Variants in GPAM observed in about 807,000 individuals in gnomAD.
GPAM encodes glycerol-3-phosphate acyltransferase, mitochondrial, also known as glycerol-3-phosphate acyltransferase 1, mitochondrial.
In GPAM, 56 loss-of-function variants were observed where a neutral mutation model predicts 105.0. The ratio of observed to expected loss-of-function variants is 0.53; its 90% CI spans 0.43 to 0.67. GPAM has a LOEUF of 0.67. Among genes scored for constraint, GPAM ranks in the 30% least tolerant of loss-of-function variants. The probability of loss-of-function intolerance (pLI) is 0.00; values close to 1 mark genes in which losing one functional copy is unlikely to be tolerated. For missense variants in GPAM, 855 were observed against 989.8 expected, an observed-to-expected ratio of 0.86 and a Z score of 1.83; for synonymous variants, 368 against 354.4, an observed-to-expected ratio of 1.04 and a Z score of -0.43.
intron 19 of GPAM, chr10:112,156,667 C>T (rs1375063891): frequency 6.0e-6 from 1 of 167,466 alleles, no homozygotes. Flanking sequence ...TAAACTAATA[C>T]CACCCAAGTG....
At chr10:112,219,130 C>T (rs541268804), upstream of GPAM, among the ~76,000 whole-genome samples, 8 of 152,298 alleles carry the variant, frequency 5.3e-5, no homozygotes, top group South Asian at 8.3e-4. Flanking sequence ...GACTCAGGGA[C>T]GACAAATGTG....
At chr10:112,209,321 T>G (rs7079286) in intron 1 of GPAM, among the ~76,000 whole-genome samples, 48,664 of 151,436 alleles carry the variant, frequency 0.32, 13,511 homozygotes, top group African/African-American at 0.76. Context: ...TGCAATCGGA[T>G]GATTAGAGAG....
chr10:112,183,366 C>A (rs1304859469), intron 1 of GPAM, among the ~76,000 whole-genome samples: 2 of 152,240 alleles, frequency 1.3e-5, no homozygotes, highest in Admixed American at 6.5e-5. Flanking sequence ...CCCCTTACTG[C>A]CTCAATGTTC....
intron 19 of GPAM, 138 bp from the exon 20 acceptor site, chr10:112,156,191 C>G: frequency 1.4e-6 from 1 of 691,904 alleles, no homozygotes; most frequent in Non-Finnish European, 2.6e-6. Flanking sequence ...AAGCGGCCCC[C>G]TGCCCCTCAT....
intron 1 of GPAM, among the ~76,000 whole-genome samples, chr10:112,190,534 T>A (rs549220886): frequency 1.3e-4 from 19 of 151,392 alleles, no homozygotes; most frequent in Non-Finnish European, 2.1e-4. Flanking sequence ...GAAAGGGTCT[T>A]AGGCCAGAAG....
At chr10:112,158,929 G>C (rs2050856) in intron 17 of GPAM, among the ~76,000 whole-genome samples, 2 of 152,052 alleles carry the variant, frequency 1.3e-5, no homozygotes, top group African/African-American at 4.8e-5. Context: ...ACAGGACCAC[G>C]AGCACACCTC....
At chr10:112,156,265 C>T (rs1689804885) in intron 19 of GPAM, 1 of 582,982 alleles carries the variant, frequency 1.7e-6, no homozygotes, top group Non-Finnish European at 3.1e-6. Context: ...TAATCATTCA[C>T]TTTTTTATGG....
chr10:112,206,727 C>T (rs191600726), intron 1 of GPAM, among the ~76,000 whole-genome samples: 1,684 of 149,484 alleles, frequency 0.011, 8 homozygotes, highest in Non-Finnish European at 0.019. Flanking sequence ...ATAGATGACA[C>T]GTTAGTGTGT....
chr10:112,219,273 A>G (rs1038141520), upstream of GPAM, among the ~76,000 whole-genome samples: 5 of 152,214 alleles, frequency 3.3e-5, no homozygotes, highest in African/African-American at 1.2e-4. Context: ...GGGGGTAGAG[A>G]GGAGGCTGAG....
chr10:112,206,656 CTG>C (rs1197965525), intron 1 of GPAM, among the ~76,000 whole-genome samples: 1 of 104,884 alleles, frequency 9.5e-6, no homozygotes, highest in Non-Finnish European at 1.8e-5. Flanking sequence ...ATATCACACT[CTG>C]GGGACTGTGG....
intron 12 of GPAM, among the ~76,000 whole-genome samples, chr10:112,165,516 C>T (rs1019270170): frequency 3.3e-5 from 5 of 152,094 alleles, no homozygotes; most frequent in Non-Finnish European, 7.4e-5. Context: ...ATGGTGAAAC[C>T]CCGTCTCTAC....
intron 3 of GPAM, 147 bp downstream of exon 3, chr10:112,181,536 T>G (rs1417080722): frequency 3.0e-6 from 2 of 658,514 alleles, no homozygotes; most frequent in African/African-American, 3.6e-5. Flanking sequence ...GCCATAAAAT[T>G]TTTTATTAGG....
At chr10:112,172,068 G>GA in intron 9 of GPAM, 114 bp downstream of exon 9, 3 of 812,710 alleles carry the variant, frequency 3.7e-6, no homozygotes, top group Non-Finnish European at 6.0e-6. Context: ...TATAATAAAA[G>GA]AAAAAAGGCT....
chr10:112,169,053 T>C (rs1489731507), intron 9 of GPAM, 101 bp from the exon 10 acceptor site: 7 of 791,966 alleles, frequency 8.8e-6, no homozygotes, highest in East Asian at 2.5e-5. Context: ...ATACAAGCCA[T>C]ATGTGCCGTT....
the GPAM span, among the ~76,000 whole-genome samples, chr10:112,224,710 G>T: frequency 6.6e-6 from 1 of 151,994 alleles, no homozygotes; most frequent in Admixed American, 6.6e-5. Context: ...TGTAAAATAT[G>T]CAAGTACTAA....
upstream of GPAM, among the ~76,000 whole-genome samples, chr10:112,188,283 C>T (rs904000885): frequency 6.6e-6 from 1 of 152,148 alleles, no homozygotes; most frequent in Non-Finnish European, 1.5e-5. Flanking sequence ...TAATGAACCT[C>T]TAGCCAGATT....
chr10:112,169,496 T>C (rs1847276719), intron 9 of GPAM, among the ~76,000 whole-genome samples: 1 of 152,196 alleles, frequency 6.6e-6, no homozygotes, highest in African/African-American at 2.4e-5. Context: ...AACAAAAATG[T>C]GCTTCATTTG....
At position 112,172,266 on chromosome 10, in the gene GPAM, A is replaced by G; in HGVS notation, c.710T>C (p.Leu237Pro). 6.2e-7 allele frequency: 1 copy of G among 1,610,564 alleles called. No individual in the cohort carries two copies. Among genetic ancestry groups the G allele is most frequent in the Non-Finnish European group, 8.5e-7 (1 of 1,176,788 alleles). The stretch of plus-strand genomic sequence containing the variant: ...GCAGAAGAGAATGAAAGTGAGCAGC[A>G]GATAGTCAATATGGGATCTATGAAC... ...LPVHRSHIDY[L>P]LLTFILFCHN... Residue 237 changes from leucine (L) to proline (P), a missense_variant, in exon 9 of 22, where the codon CTG (leucine) becomes CCG (proline). Physicochemically the swap from Leu to Pro is moderately conservative, Grantham distance 98. Coordinates refer to ENST00000348367, the MANE Select transcript of GPAM (RefSeq NM_001244949.2).
rs1847344399 is a variant in GPAM, at chr10:112,173,249, TTTTATA to T, written c.561-189_561-184del. Among the ~76,000 whole-genome samples, 5 of 12,782 alleles carry T rather than the reference TTTTATA, an allele frequency of 3.9e-4. No homozygotes were observed. In the South Asian group the frequency reaches 0.031, roughly 79 times the overall value. The allele number at this position is 12,782 out of a possible 152,430, so 8.4% of individuals were successfully genotyped here. ...GTCTGAATTGCTGAACTAGAGCTAA[TTTTATA>T]TATATATATACTACTTACAGAAGTA... On this transcript the variant is annotated intron_variant, in intron 7 of 21. Coordinates refer to ENST00000348367, the MANE Select transcript of GPAM (RefSeq NM_001244949.2).
Sources: gnomAD v4.1 joint callset for allele counts (sites outside exome capture counted in the v4.1 genomes callset) on GRCh38, gnomAD v4.1.1 for gene constraint, MANE v1.5 for transcripts, NCBI Gene and HGNC (gene_info 2026-07-23, HGNC 2026-07-21) for gene names.